LRRC75B: variants seen among roughly 807,000 people sequenced by gnomAD.
LRRC75B encodes leucine rich repeat containing 75B, also known as leucine-rich repeat-containing protein 75B.
Under a neutral mutation model 16.5 loss-of-function variants are expected in LRRC75B, and 20 were observed. That is an observed-to-expected ratio of 1.21 (90% CI 0.85 to 1.76). The LOEUF is 1.76. LRRC75B is among the 40% of genes most tolerant of loss of function. LRRC75B has a pLI of 0.00. For synonymous variants in LRRC75B, 199 were observed against 198.1 expected (o/e 1.00, Z -0.04); for missense variants, 406 against 417.0 (o/e 0.97, Z 0.23).
rs572818367 is a variant in LRRC75B, at chr22:24,588,491, G to A, written c.307-162C>T. On this transcript the variant is annotated intron_variant, in intron 2 of 3. Coordinates refer to ENST00000318753, the MANE Select transcript of LRRC75B (RefSeq NM_207644.3). ...GCCTCCCCCTCCTACCCCCCAACCC[G>A]GCTGTGGCCTGGCACAGAGCCAGGG... is the stretch of plus-strand genomic sequence containing the variant. 124 of 759,644 alleles carry A rather than the reference G, an allele frequency of 1.6e-4. No individual in the cohort carries two copies. In the East Asian group the frequency reaches 1.7e-3, roughly 11 times the overall value. 47.1% of individuals were successfully genotyped at this position (759,644 alleles called of 1,614,324 possible). A position where few individuals can be genotyped will look rare whatever the true frequency, so the allele number is the denominator to read the frequency against.
At chr22:24,589,530 C>T in intron 2 of LRRC75B, 1 of 458,042 alleles carries the variant, frequency 2.2e-6, no homozygotes, top group African/African-American at 2.1e-5. Context: ...TTCTGCCCAG[C>T]TATAGTCTTC....
rs751299319 is a variant in LRRC75B, at chr22:24,586,143, C to A, written c.691G>T (p.Ala231Ser). The A allele has an allele frequency of 3.7e-6, 6 of 1,613,278 alleles. No homozygotes were observed. The African/African-American group carries it at 8.0e-5, about 22-fold the overall frequency. Residue 231 changes from alanine to serine, a missense_variant, in exon 4 of 4, where the codon GCC (alanine) becomes TCC (serine). Coordinates refer to ENST00000318753, the MANE Select transcript of LRRC75B (RefSeq NM_207644.3). ...GGGAACTTGGTGGTGTCCTTGATGG[C>A]ATCAGTGAGCTTGCGGGCAGTGGCC... Reference protein sequence around the residue: ...TRATARKLTDAIKDTTKFPAL... With the variant: ...TRATARKLTDSIKDTTKFPAL...
chr22:24,588,211 T>C lies in LRRC75B; in HGVS notation c.422+3A>G. The C allele has an allele frequency of 6.2e-7, 1 of 1,610,042 alleles. No individual in the cohort carries two copies. Among genetic ancestry groups the C allele is most frequent in the Non-Finnish European group, 8.5e-7 (1 of 1,177,828 alleles). ...GGAGGGGCAGTGGCTGGGCTACCCT[T>C]ACCAGCTCTGGGTCTTCCTCTGGCG... On this transcript the variant is annotated splice_donor_region_variant and intron_variant, in intron 3 of 3. Coordinates refer to ENST00000318753, the MANE Select transcript of LRRC75B (RefSeq NM_207644.3).
chr22:24,587,256 G>C (rs961135056), intron 3 of LRRC75B, among the ~76,000 whole-genome samples: 51 of 152,328 alleles, frequency 3.3e-4, no homozygotes, highest in African/African-American at 1.2e-3. Context: ...GGGAGGTCCT[G>C]GGTGTGCAGG....
rs1450649443 is a variant in LRRC75B, at chr22:24,589,944, C to T, written c.183G>A (p.Leu61=). ...RQLLRLLRQD[L]GLERTLLPDI... ...CAGGAAGGAGGGTCCTCTCAAGGCC[C>T]AGGTCCTGTGAGTGGTGAAGAGAGA... The change falls in exon 2 of 4, where the codon CTG becomes CTA. Residue 61 remains leucine, a synonymous_variant. Coordinates refer to ENST00000318753, the MANE Select transcript of LRRC75B (RefSeq NM_207644.3). 3.8e-6 allele frequency: 6 copies of T among 1,596,386 alleles called. No individual in the cohort carries two copies. The East Asian group carries it at 1.4e-4, about 36-fold the overall frequency.
rs2045619795 is a variant in LRRC75B, at chr22:24,592,984, G to C, written c.56C>G (p.Ala19Gly). The change falls in exon 1 of 4, where the codon GCG becomes GGG. Residue 19 changes from alanine (A) to glycine (G), a missense_variant. Ala to Gly is a moderately conservative substitution (Grantham distance 60, BLOSUM62 0). Coordinates refer to ENST00000318753, the MANE Select transcript of LRRC75B (RefSeq NM_207644.3). Reference sequence around the variant, plus strand: ...GGGCGCGGGCCCGCAGCCGGCCGCCGCCCCGGCCTCAGAGCCAGCCTCGGG... The same window carrying C: ...GGGCGCGGGCCCGCAGCCGGCCGCCCCCCCGGCCTCAGAGCCAGCCTCGGG... ...AGPEAGSEAG[A>G]AAGCGPAPYE... The C allele has an allele frequency of 8.6e-7, 1 of 1,159,512 alleles. No homozygotes were observed. The highest frequency in any genetic ancestry group is 4.7e-5 in the Admixed American group (1 of 21,224). The allele number at this position is 1,159,512 out of a possible 1,614,324, so 71.8% of individuals were successfully genotyped here. A position where few individuals can be genotyped will look rare whatever the true frequency, so the allele number is the denominator to read the frequency against.
chr22:24,588,647 C>A, intron 2 of LRRC75B: 1 of 1,137,982 alleles, frequency 8.8e-7, no homozygotes, highest in Non-Finnish European at 1.1e-6. Flanking sequence ...AGCCGGCTGC[C>A]TGCCCACCCT....
In LRRC75B at chr22:24,591,299, G is replaced by A. The variant is rs113893053; in HGVS notation, c.178-1350C>T. 2.9e-3 allele frequency among the ~76,000 whole-genome samples: 440 copies of A among 152,282 alleles called. 5 individuals carry two copies. Among genetic ancestry groups the A allele is most frequent in the African/African-American group, 9.1e-3 (379 of 41,560 alleles). On this transcript the variant is annotated intron_variant, in intron 1 of 3. Coordinates refer to ENST00000318753, the MANE Select transcript of LRRC75B (RefSeq NM_207644.3). Reference sequence around the variant, plus strand: ...TCTCCATGTTGGTCAGGCTGGTCTCGAATTCCCGACTTCAGGTGATCTGCC... The same window carrying A: ...TCTCCATGTTGGTCAGGCTGGTCTCAAATTCCCGACTTCAGGTGATCTGCC...
At position 24,586,018 on chromosome 22, in the gene LRRC75B, T is replaced by C. The variant is rs770792630; in HGVS notation, c.816A>G (p.Ser272=). The change falls in exon 4 of 4, where the codon TCA becomes TCG. Residue 272 remains serine (S), a synonymous_variant. Coordinates refer to ENST00000318753, the MANE Select transcript of LRRC75B (RefSeq NM_207644.3). ...CCAGGCCCTCGTAGATGGTGGGGAG[T>C]GAGGTGCGCTGGCTCAGCCGCCGGC... ...GLRRRLSQRT[S]LPTIYEGLDL... 14 of 1,610,056 alleles carry C rather than the reference T, an allele frequency of 8.7e-6. No homozygotes were observed. Among genetic ancestry groups the C allele is most frequent in the Admixed American group, 1.7e-5 (1 of 59,934 alleles).
At chr22:24,589,550 G>C in intron 2 of LRRC75B, 1 of 460,990 alleles carries the variant, frequency 2.2e-6, no homozygotes, top group Non-Finnish European at 3.4e-6. Flanking sequence ...CCTGGTCTGG[G>C]CCCCCAGGCC....
intron 1 of LRRC75B, chr22:24,592,233 C>T: frequency 2.2e-6 from 1 of 456,158 alleles, no homozygotes; most frequent in Middle Eastern, 6.9e-4. Context: ...TGTGTAGGAG[C>T]AGAGCCACCA....
intron 1 of LRRC75B, among the ~76,000 whole-genome samples, chr22:24,591,220 C>T (rs2045558127): frequency 6.6e-6 from 1 of 152,258 alleles, no homozygotes; most frequent in African/African-American, 2.4e-5. Flanking sequence ...GCTGGGATTG[C>T]AGGCATGTGC....
intron 1 of LRRC75B, 33 bp downstream of exon 1, chr22:24,592,830 G>T (rs2045613398): frequency 2.4e-6 from 3 of 1,272,578 alleles, no homozygotes. Flanking sequence ...CTCCCTGGCC[G>T]CCAGCCCAGG....
In LRRC75B at chr22:24,586,120, G is replaced by A; in HGVS notation, c.714C>T (p.Phe238=). The A allele has an allele frequency of 6.2e-7, 1 of 1,613,156 alleles. No homozygotes were observed. The change falls in exon 4 of 4, where the codon TTC becomes TTT. Residue 238 remains phenylalanine (F), a synonymous_variant. Coordinates refer to ENST00000318753, the MANE Select transcript of LRRC75B (RefSeq NM_207644.3). ...LTDAIKDTTK[F]PALAWVDLGN... ...CCAGGTCCACCCAAGCCAAAGCAGG[G>A]AACTTGGTGGTGTCCTTGATGGCAT...
intron 2 of LRRC75B, chr22:24,589,094 A>G (rs901365963): frequency 9.1e-7 from 1 of 1,096,450 alleles, no homozygotes; most frequent in East Asian, 9.8e-5. Flanking sequence ...CTGTGCAGAG[A>G]CCTGGGCATT....
chr22:24,592,183 A>C, intron 1 of LRRC75B: 2 of 407,982 alleles, frequency 4.9e-6, no homozygotes, highest in Non-Finnish European at 9.9e-6. Flanking sequence ...GCATCCTGGG[A>C]CAACCCAGGG....
chr22:24,586,316 C>G lies in LRRC75B; in HGVS notation c.518G>C (p.Arg173Pro), dbSNP rs376304947. 6.2e-7 allele frequency: 1 copy of G among 1,613,856 alleles called. No homozygotes were observed. Among genetic ancestry groups the G allele is most frequent in the Non-Finnish European group, 8.5e-7 (1 of 1,180,058 alleles). ...CACAGCACCATGGCTGCTCAGGTAG[C>G]GTGTGATGTGTTGCACGTCCTGTGT... ...LSTQDVQHIT[R>P]YLSSHGAVLA... The change falls in exon 4 of 4, where the codon CGC becomes CCC. Residue 173 changes from arginine (R) to proline (P), a missense_variant. Coordinates refer to ENST00000318753, the MANE Select transcript of LRRC75B (RefSeq NM_207644.3).
intron 1 of LRRC75B, among the ~76,000 whole-genome samples, 168 bp from the exon 2 acceptor site, chr22:24,590,117 G>C (rs1400489392): frequency 1.3e-5 from 2 of 152,220 alleles, no homozygotes; most frequent in East Asian, 1.9e-4. Context: ...CCAGTGGCGG[G>C]TGGCCCCCTT....
chr22:24,589,591 G>A (rs955628774), intron 2 of LRRC75B: 5 of 540,402 alleles, frequency 9.3e-6, no homozygotes, highest in Non-Finnish European at 3.0e-6. Flanking sequence ...CAGAAAATGG[G>A]TCTGCCCAGG....
Sources: gnomAD v4.1 joint callset for allele counts (sites outside exome capture counted in the v4.1 genomes callset) on GRCh38, gnomAD v4.1.1 for gene constraint, MANE v1.5 for transcripts, NCBI Gene and HGNC (gene_info 2026-07-23, HGNC 2026-07-21) for gene names.